MACROD2: variants seen among roughly 807,000 people sequenced by gnomAD.
MACROD2 encodes ADP-ribose glycohydrolase MACROD2.
MACROD2 carries 36 observed loss-of-function variants against 70.4 expected under a neutral mutation model. The ratio of observed to expected loss-of-function variants is 0.51; its 90% CI spans 0.39 to 0.68. The LOEUF is 0.68. MACROD2 is among the 30% of genes least tolerant of loss of function. The pLI, the probability that MACROD2 is intolerant of heterozygous loss-of-function variation, is 0.00. For missense variants in MACROD2, 496 were observed against 538.4 expected (o/e 0.92, Z 0.78); for synonymous variants, 172 against 178.8 (o/e 0.96, Z 0.30).
At chr20:14,075,962 A>G (rs545926610) in intron 2 of MACROD2, among the ~76,000 whole-genome samples, 59 of 152,236 alleles carry the variant, frequency 3.9e-4, no homozygotes, top group Non-Finnish European at 6.8e-4. Context: ...ACATGGGAAA[A>G]TCTTAAAAAT....
intron 4 of MACROD2, among the ~76,000 whole-genome samples, chr20:14,648,640 A>G (rs151135693): frequency 1.4e-4 from 22 of 151,732 alleles, no homozygotes; most frequent in Non-Finnish European, 2.9e-4. Context: ...ATATATATCT[A>G]TCTATCTCAC....
chr20:14,455,628 G>A (rs919347104), intron 3 of MACROD2, among the ~76,000 whole-genome samples: 7 of 151,798 alleles, frequency 4.6e-5, no homozygotes, highest in Non-Finnish European at 1.0e-4. Flanking sequence ...AAATGCCACA[G>A]AGTAGGGCAT....
chr20:14,109,778 C>T (rs1455159703), intron 3 of MACROD2, among the ~76,000 whole-genome samples: 1 of 151,756 alleles, frequency 6.6e-6, no homozygotes, highest in African/African-American at 2.4e-5. Flanking sequence ...TAAAGAAAAG[C>T]CTGGGACCCA....
intron 3 of MACROD2, among the ~76,000 whole-genome samples, chr20:14,442,190 A>G (rs1317227219): frequency 6.6e-6 from 1 of 152,078 alleles, no homozygotes. Context: ...GAATCACTTG[A>G]ACCCAGGAGG....
intron 5 of MACROD2, among the ~76,000 whole-genome samples, chr20:15,215,030 A>C (rs1041182543): frequency 6.6e-6 from 1 of 152,134 alleles, no homozygotes; most frequent in Non-Finnish European, 1.5e-5. Context: ...AATGCATAAT[A>C]ATTAGGTATC....
chr20:15,040,349 C>G (rs976994937), intron 5 of MACROD2, among the ~76,000 whole-genome samples: 2 of 152,030 alleles, frequency 1.3e-5, no homozygotes, highest in African/African-American at 4.8e-5. Flanking sequence ...TAATGCAGCC[C>G]CTCTCAATAG....
At chr20:16,009,758 A>G (rs996660771) in intron 15 of MACROD2, among the ~76,000 whole-genome samples, 2 of 146,774 alleles carry the variant, frequency 1.4e-5, no homozygotes, top group African/African-American at 5.0e-5. Context: ...ACTCTGTCTC[A>G]AAAAAAAAAA....
intron 3 of MACROD2, among the ~76,000 whole-genome samples, chr20:14,125,927 C>T (rs909151211): frequency 1.3e-5 from 2 of 152,126 alleles, no homozygotes; most frequent in Non-Finnish European, 1.5e-5. Flanking sequence ...CAATGAAGAA[C>T]TTCTGAAATA....
intron 3 of MACROD2, among the ~76,000 whole-genome samples, chr20:14,136,405 T>A (rs569727034): frequency 7.2e-5 from 11 of 152,256 alleles, no homozygotes; most frequent in African/African-American, 2.6e-4. Context: ...GACTTGCACT[T>A]GAATCACGTT....
intron 5 of MACROD2, among the ~76,000 whole-genome samples, chr20:15,155,228 C>T (rs1349500944): frequency 6.6e-6 from 1 of 151,330 alleles, no homozygotes; most frequent in Non-Finnish European, 1.5e-5. Context: ...TCAGATGATT[C>T]TGATCTTGTG....
At chr20:14,234,541 T>C (rs2081851375) in intron 3 of MACROD2, among the ~76,000 whole-genome samples, 1 of 152,238 alleles carries the variant, frequency 6.6e-6, no homozygotes, top group South Asian at 2.1e-4. Context: ...ATTTAAACTA[T>C]TTTAATAGTT....
chr20:14,641,950 T>C (rs183445081), intron 4 of MACROD2, among the ~76,000 whole-genome samples: 28 of 152,326 alleles, frequency 1.8e-4, no homozygotes, highest in Non-Finnish European at 1.5e-4. Context: ...CTCTGAAGCC[T>C]TGAAGCCAGG....
At position 15,528,444 on chromosome 20, in the gene MACROD2, T is replaced by C. The variant is rs559246824; in HGVS notation, c.645+28597T>C. ...CCTGGATGCTTTTTTATCATGAGGA[T>C]TGAAGGGATAAGCAGTGCTATTGGC... On this transcript the variant is annotated intron_variant, in intron 8 of 17. Transcript: ENST00000684519. Among the ~76,000 whole-genome samples, 5 of 152,254 alleles carry C rather than the reference T, an allele frequency of 3.3e-5. No individual in the cohort carries two copies. The South Asian group carries it at 8.3e-4, about 25-fold the overall frequency.
chr20:15,625,342 G>A (rs2049186654), intron 8 of MACROD2, among the ~76,000 whole-genome samples: 1 of 152,188 alleles, frequency 6.6e-6, no homozygotes, highest in South Asian at 2.1e-4. Flanking sequence ...GACATGCTCT[G>A]TGGTATTCAG....
At chr20:15,554,408 A>T (rs1337821005) in intron 8 of MACROD2, among the ~76,000 whole-genome samples, 2 of 152,224 alleles carry the variant, frequency 1.3e-5, no homozygotes, top group Non-Finnish European at 2.9e-5. Flanking sequence ...TGTCACTTGA[A>T]TATAGCTAGA....
chr20:15,893,752 C>T (rs1343337298), intron 10 of MACROD2: 1 of 456,636 alleles, frequency 2.2e-6, no homozygotes, highest in South Asian at 1.5e-5. Flanking sequence ...GCCTGGATCC[C>T]CACCTCCTCC....
chr20:14,602,936 G>T (rs1054850096), intron 4 of MACROD2, among the ~76,000 whole-genome samples: 1 of 152,058 alleles, frequency 6.6e-6, no homozygotes, highest in Non-Finnish European at 1.5e-5. Context: ...ACAGTGTAAG[G>T]GTAAGAAATG....
At chr20:16,005,163 G>A (rs949609803) in intron 15 of MACROD2, among the ~76,000 whole-genome samples, 3 of 152,106 alleles carry the variant, frequency 2.0e-5, no homozygotes, top group African/African-American at 7.2e-5. Flanking sequence ...CTCTACAAGG[G>A]TTGAAAAAAG....
At chr20:15,074,335 A>G (rs2075641428) in intron 5 of MACROD2, among the ~76,000 whole-genome samples, 1 of 152,202 alleles carries the variant, frequency 6.6e-6, no homozygotes, top group Non-Finnish European at 1.5e-5. Context: ...AAGCTTGTAT[A>G]AAAACCTGAA....
Sources: gnomAD v4.1 joint callset for allele counts (sites outside exome capture counted in the v4.1 genomes callset) on GRCh38, gnomAD v4.1.1 for gene constraint, MANE v1.5 for transcripts, NCBI Gene and HGNC (gene_info 2026-07-23, HGNC 2026-07-21) for gene names.